ATP6V1C2: variants seen among roughly 807,000 people sequenced by gnomAD.
ATP6V1C2 encodes the protein V-type proton ATPase subunit C 2.
A neutral mutation model predicts 56.8 loss-of-function variants in ATP6V1C2; 45 were observed. That is an observed-to-expected ratio of 0.79 (90% CI 0.62 to 1.02). The LOEUF is 1.02. Ranked by LOEUF, ATP6V1C2 falls within the 50% of genes least tolerant of loss-of-function variation. ATP6V1C2 has a pLI of 0.00. For synonymous variants in ATP6V1C2, 220 were observed against 201.3 expected, an observed-to-expected ratio of 1.09 and a Z score of -0.79; for missense variants, 463 against 519.7, an observed-to-expected ratio of 0.89 and a Z score of 1.06.
At chr2:10,739,219 G>T (rs1487188602) in intron 3 of ATP6V1C2, among the ~76,000 whole-genome samples, 1 of 152,094 alleles carries the variant, frequency 6.6e-6, no homozygotes, top group Non-Finnish European at 1.5e-5. Flanking sequence ...GGAGACGGAG[G>T]TTGCGGTGAG....
At position 10,772,663 on chromosome 2, in the gene ATP6V1C2, C is replaced by T. The variant is rs1664699875; in HGVS notation, c.638+53C>T. On this transcript the variant is annotated intron_variant, in intron 8 of 13. Transcript: ENST00000272238. ...GGCCCCTGGGGTACATGTGTGGGTG[C>T]TTCAGGGCACCCAACCACCAAACAT... 1.9e-5 allele frequency: 28 copies of T among 1,502,694 alleles called. No individual in the cohort carries two copies. In the South Asian group the frequency reaches 3.1e-4, roughly 17 times the overall value. 93.1% of individuals were successfully genotyped at this position (1,502,694 alleles called of 1,614,324 possible).
rs1308815767 is a variant in ATP6V1C2, at chr2:10,782,285, G to A, written c.1104G>A (p.Pro368=). The change falls in exon 13 of 14, where the codon CCG becomes CCA. Residue 368 remains proline, a synonymous_variant. Transcript: ENST00000272238. The part of the protein sequence containing the change: ...PVNFQAVLLQ[P]HKKSSTKRLR... The stretch of plus-strand genomic sequence containing the variant: ...ACTTCCAGGCAGTGCTCCTGCAGCC[G>A]CATAAGAAGTCATCCACCAAGCGTT... The A allele has an allele frequency of 4.3e-6, 7 of 1,614,012 alleles. No individual in the cohort carries two copies. Among genetic ancestry groups the A allele is most frequent in the Middle Eastern group, 1.6e-4 (1 of 6,084 alleles).
Position 10,728,488 on chromosome 2 carries a change from C to T in ATP6V1C2, c.197+1919C>T, listed in dbSNP as rs376989495. Among the ~76,000 whole-genome samples, 6 of 152,234 alleles carry T rather than the reference C, an allele frequency of 3.9e-5. No individual in the cohort carries two copies. The East Asian group carries it at 7.7e-4, about 20-fold the overall frequency. ...TCATATCAGTCCATAACTTCATGTTCGTTCTTTTAATGGCTGTGTTACTGT... is the reference window on the plus strand; with the variant it reads ...TCATATCAGTCCATAACTTCATGTTTGTTCTTTTAATGGCTGTGTTACTGT... On this transcript the variant is annotated intron_variant, in intron 3 of 13. Transcript: ENST00000272238.
intron 3 of ATP6V1C2, among the ~76,000 whole-genome samples, chr2:10,743,301 C>T (rs375415156): frequency 1.4e-4 from 21 of 151,164 alleles, no homozygotes; most frequent in East Asian, 4.0e-4. Flanking sequence ...TACAGGGTCT[C>T]GCTATGTTGC....
At chr2:10,730,762 C>T (rs1466063600) in intron 3 of ATP6V1C2, among the ~76,000 whole-genome samples, 1 of 151,786 alleles carries the variant, frequency 6.6e-6, no homozygotes, top group Non-Finnish European at 1.5e-5. Flanking sequence ...AAGCGATTCT[C>T]CTGCCTCAGC....
intron 3 of ATP6V1C2, among the ~76,000 whole-genome samples, chr2:10,737,909 G>A (rs916428907): frequency 1.3e-5 from 2 of 152,100 alleles, no homozygotes; most frequent in Admixed American, 6.5e-5. Context: ...GGCCAGGTTG[G>A]TCTCGAACTC....
chr2:10,781,351 G>A (rs1012593343), intron 12 of ATP6V1C2, among the ~76,000 whole-genome samples: 4 of 152,094 alleles, frequency 2.6e-5, no homozygotes, highest in East Asian at 1.9e-4. Flanking sequence ...GGTGGCGGGC[G>A]CCTGTAATCC....
chr2:10,778,704 TGAG>T, intron 12 of ATP6V1C2, 35 bp downstream of exon 12: 11 of 1,604,510 alleles, frequency 6.9e-6, no homozygotes, highest in Non-Finnish European at 9.4e-6. Context: ...GGGACTGTCC[TGAG>T]GATGGGCAGG....
At chr2:10,728,962 C>A (rs372870936) in intron 3 of ATP6V1C2, among the ~76,000 whole-genome samples, 565 of 112,462 alleles carry the variant, frequency 5.0e-3, no homozygotes, top group Non-Finnish European at 6.7e-3. Flanking sequence ...CATGAAAATA[C>A]AAAAAAAAAA....
At chr2:10,754,188 T>C in intron 4 of ATP6V1C2, 122 bp downstream of exon 4, 1 of 708,404 alleles carries the variant, frequency 1.4e-6, no homozygotes, top group Admixed American at 2.6e-5. Flanking sequence ...ATGCTCTGGA[T>C]TGACACATTG....
At chr2:10,728,393 A>T (rs1387666701) in intron 3 of ATP6V1C2, among the ~76,000 whole-genome samples, 3 of 152,170 alleles carry the variant, frequency 2.0e-5, no homozygotes, top group Non-Finnish European at 4.4e-5. Context: ...CTTAAAATTA[A>T]TTTTGTACAA....
chr2:10,782,025 A>G (rs943825264), intron 12 of ATP6V1C2, among the ~76,000 whole-genome samples: 1 of 152,094 alleles, frequency 6.6e-6, no homozygotes, highest in African/African-American at 2.4e-5. Flanking sequence ...CTTTTGCTCT[A>G]TAGTTGAAAA....
intron 1 of ATP6V1C2, 139 bp from the exon 2 acceptor site, chr2:10,722,685 G>C (rs1661432310): frequency 1.1e-6 from 1 of 917,878 alleles, no homozygotes; most frequent in African/African-American, 1.7e-5. Flanking sequence ...GGAGATAAGA[G>C]CTTTGCTTTT....
intron 3 of ATP6V1C2, among the ~76,000 whole-genome samples, chr2:10,734,336 C>A (rs1452757192): frequency 6.6e-6 from 1 of 152,176 alleles, no homozygotes; most frequent in Non-Finnish European, 1.5e-5. Context: ...CACAGATTTA[C>A]CCTCTCTAAC....
chr2:10,723,554 T>C (rs541752387), intron 2 of ATP6V1C2, among the ~76,000 whole-genome samples: 2 of 151,916 alleles, frequency 1.3e-5, no homozygotes, highest in East Asian at 3.9e-4. Flanking sequence ...TAAGGAAGAA[T>C]GAGGCCAGGC....
In ATP6V1C2 at chr2:10,784,387, A is replaced by T. The variant is rs971042858; in HGVS notation, c.*1124A>T. 1.5e-5 allele frequency: 20 copies of T among 1,361,800 alleles called. No individual in the cohort carries two copies. The highest frequency in any genetic ancestry group is 3.8e-5 in the Admixed American group (2 of 52,018). 84.4% of individuals were successfully genotyped at this position (1,361,800 alleles called of 1,614,324 possible). A position where few individuals can be genotyped will look rare whatever the true frequency, so the allele number is the denominator to read the frequency against. ...GAAGGGGACACCCTGGAAGGTCAAC[A>T]TCTCATTTTATGGAAGAGCGACTCT... On this transcript the variant is annotated 3_prime_UTR_variant, in exon 14 of 14. Coordinates refer to ENST00000272238, the MANE Select transcript of ATP6V1C2 (RefSeq NM_001039362.2).
At chr2:10,736,941 GT>G (rs1662283269) in intron 3 of ATP6V1C2, among the ~76,000 whole-genome samples, 1 of 151,546 alleles carries the variant, frequency 6.6e-6, no homozygotes, top group Non-Finnish European at 1.5e-5. Context: ...AGGGACGAGG[GT>G]TTCACTATGT....
intron 3 of ATP6V1C2, among the ~76,000 whole-genome samples, chr2:10,750,925 G>A (rs1181423364): frequency 6.6e-6 from 1 of 152,182 alleles, no homozygotes. Flanking sequence ...TTGGCGCATA[G>A]TAGTTGTTAG....
In ATP6V1C2 at chr2:10,756,733, G is replaced by T. The variant is rs138020299; in HGVS notation, c.283+2667G>T. On this transcript the variant is annotated intron_variant, in intron 4 of 13. Coordinates refer to ENST00000272238, the MANE Select transcript of ATP6V1C2 (RefSeq NM_001039362.2). ...ACTCTGTCTCAAAAAAAGAAAGAAA[G>T]AAAGAAATATTTAGATATACAAATA... Among the ~76,000 whole-genome samples the T allele has an allele frequency of 3.7e-3, 569 of 152,114 alleles. 5 individuals carry two copies. Among genetic ancestry groups the T allele is most frequent in the African/African-American group, 9.0e-3 (375 of 41,506 alleles).
Sources: gnomAD v4.1 joint callset for allele counts (sites outside exome capture counted in the v4.1 genomes callset) on GRCh38, gnomAD v4.1.1 for gene constraint, MANE v1.5 for transcripts, NCBI Gene and HGNC (gene_info 2026-07-23, HGNC 2026-07-21) for gene names.